Variants in PSME4 observed in about 807,000 individuals in gnomAD.
The protein encoded by PSME4 is proteasome activator subunit 4, also known as proteasome activator complex subunit 4.
Under a neutral mutation model 253.9 loss-of-function variants are expected in PSME4, and 89 were observed. The observed-to-expected ratio is 0.35, with a 90% CI of 0.30 to 0.42. The LOEUF (loss-of-function observed/expected upper bound fraction) is 0.42. Ranked by LOEUF, PSME4 falls within the 10% of genes least tolerant of loss-of-function variation. The probability of loss-of-function intolerance (pLI) is 1.00; values close to 1 mark genes in which losing one functional copy is unlikely to be tolerated. For missense variants in PSME4, 2,014 were observed against 2,195.2 expected (o/e 0.92, Z 1.65); for synonymous variants, 851 against 759.2 (o/e 1.12, Z -1.99).
rs111516930 is a variant in PSME4 at position 53,931,548 on chromosome 2, G to A, written c.1316+287C>T. On this transcript the variant is annotated intron_variant, in intron 10 of 46. Coordinates refer to ENST00000404125, the MANE Select transcript of PSME4 (RefSeq NM_014614.3). ...AATCCTTAGTGACACTCAACATTTC[G>A]ATCTAAAAAGGAAGGCCAGATCTTA... Among the ~76,000 whole-genome samples, 1,227 of 152,140 alleles carry A rather than the reference G, an allele frequency of 8.1e-3. 26 individuals are homozygous for A. The highest frequency in any genetic ancestry group is 0.026 in the African/African-American group (1,066 of 41,494).
At chr2:53,878,124 G>A (rs539770079) in intron 41 of PSME4, among the ~76,000 whole-genome samples, 33 of 152,266 alleles carry the variant, frequency 2.2e-4, no homozygotes, top group African/African-American at 4.1e-4. Flanking sequence ...CGGAGGGACC[G>A]GCTGAAGCCA....
chr2:53,897,205 T>C (rs934092755), intron 31 of PSME4, among the ~76,000 whole-genome samples: 1 of 150,340 alleles, frequency 6.7e-6, no homozygotes, highest in Non-Finnish European at 1.5e-5. Context: ...TTTTCACTCT[T>C]GTTGCCCAGG....
intron 15 of PSME4, 98 bp from the exon 16 acceptor site, chr2:53,923,216 T>G (rs1668402054): frequency 1.4e-6 from 2 of 1,464,332 alleles, no homozygotes; most frequent in East Asian, 2.3e-5. Flanking sequence ...AAGCAGCTAC[T>G]GAAAGAACTA....
chr2:53,886,722 G>C (rs1679655324), intron 40 of PSME4, among the ~76,000 whole-genome samples: 1 of 152,156 alleles, frequency 6.6e-6, no homozygotes, highest in African/African-American at 2.4e-5. Context: ...AGAACTGAAA[G>C]CAGGAACTCA....
In PSME4 at chr2:53,970,623, C is replaced by A; in HGVS notation, c.162G>T (p.Gln54His). 2 of 1,550,030 alleles carry A rather than the reference C, an allele frequency of 1.3e-6. No individual in the cohort carries two copies. Among genetic ancestry groups the A allele is most frequent in the East Asian group, 2.4e-5 (1 of 40,866 alleles). Reference protein sequence around the residue: ...LDAESDLQLAQIKCNLGRAVQ... With the variant: ...LDAESDLQLAHIKCNLGRAVQ... ...CGGCCCGGCCCAGGTTGCATTTGATCTGGGCCAGCTGCAAGTCGGACTCGG... is the reference window on the plus strand; with the variant it reads ...CGGCCCGGCCCAGGTTGCATTTGATATGGGCCAGCTGCAAGTCGGACTCGG... Residue 54 changes from glutamine to histidine, a missense_variant, in exon 1 of 47, where the codon CAG becomes CAT. Gln to His is a conservative substitution (Grantham distance 24). Transcript: ENST00000404125.
chr2:53,945,466 T>G (rs1669657603), intron 3 of PSME4, among the ~76,000 whole-genome samples: 1 of 151,844 alleles, frequency 6.6e-6, no homozygotes, highest in Non-Finnish European at 1.5e-5. Context: ...TCTTTTGTCC[T>G]AGAGGCAAAA....
At chr2:53,872,059 A>G (rs1239100872) in intron 43 of PSME4, among the ~76,000 whole-genome samples, 1 of 152,178 alleles carries the variant, frequency 6.6e-6, no homozygotes, top group Non-Finnish European at 1.5e-5. Context: ...TATCAAAAAT[A>G]TACTGTAATA....
intron 41 of PSME4, 147 bp downstream of exon 41, chr2:53,885,543 A>T: frequency 1.8e-6 from 1 of 552,414 alleles, no homozygotes; most frequent in Non-Finnish European, 3.2e-6. Flanking sequence ...AACCACTATC[A>T]CCTAATGATT....
intron 43 of PSME4, 60 bp from the exon 44 acceptor site, chr2:53,869,598 A>C: frequency 7.4e-7 from 1 of 1,351,692 alleles, no homozygotes; most frequent in Non-Finnish European, 9.9e-7. Context: ...ATAATGGAGG[A>C]TAGGGGGTAG....
rs1229357678 is a variant in PSME4 at position 53,970,660 on chromosome 2, T to C, written c.125A>G (p.Glu42Gly). ...CAAGTCGGACTCGGCGTCTAGCCGCTCCGCGTAGGGCAGCAGCTTGTTGTA... is the reference window on the plus strand; with the variant it reads ...CAAGTCGGACTCGGCGTCTAGCCGCCCCGCGTAGGGCAGCAGCTTGTTGTA... ...IVYNKLLPYA[E>G]RLDAESDLQL... Residue 42 changes from glutamate to glycine, a missense_variant, in exon 1 of 47, where the codon GAG (glutamate) becomes GGG (glycine). Physicochemically the swap from Glu to Gly is moderately conservative, Grantham distance 98 (BLOSUM62 -2). Transcript: ENST00000404125. 1 of 1,550,052 alleles carries C rather than the reference T, an allele frequency of 6.5e-7. No individual in the cohort carries two copies. Among genetic ancestry groups the C allele is most frequent in the Non-Finnish European group, 8.7e-7 (1 of 1,146,902 alleles).
intron 13 of PSME4, 46 bp from the exon 14 acceptor site, chr2:53,925,735 T>C (rs756018383): frequency 3.4e-5 from 53 of 1,563,744 alleles, no homozygotes; most frequent in Admixed American, 1.7e-4. Context: ...AAAATCTGGT[T>C]TGACATTTTT....
intron 36 of PSME4, among the ~76,000 whole-genome samples, chr2:53,891,409 G>A (rs1304937054): frequency 6.6e-6 from 1 of 152,012 alleles, no homozygotes; most frequent in Non-Finnish European, 1.5e-5. Context: ...CCTGCTGCAG[G>A]TCCATGGACT....
intron 44 of PSME4, among the ~76,000 whole-genome samples, chr2:53,868,534 ATATAT>A (rs1285082075): frequency 1.8e-5 from 1 of 56,230 alleles, no homozygotes; most frequent in Non-Finnish European, 3.7e-5. Flanking sequence ...TATATATAAT[ATATAT>A]TATAAATATA....
intron 3 of PSME4, among the ~76,000 whole-genome samples, chr2:53,943,669 C>A (rs1395324544): frequency 6.6e-6 from 1 of 151,812 alleles, no homozygotes; most frequent in Non-Finnish European, 1.5e-5. Flanking sequence ...GATGAAACCC[C>A]ATCTCTACTA....
At chr2:53,940,198 C>G (rs1669327197) in intron 3 of PSME4, among the ~76,000 whole-genome samples, 198 bp from the exon 4 acceptor site, 1 of 152,086 alleles carries the variant, frequency 6.6e-6, no homozygotes, top group Non-Finnish European at 1.5e-5. Flanking sequence ...TTCCTTTGCC[C>G]TCATTTCGCT....
intron 20 of PSME4, among the ~76,000 whole-genome samples, chr2:53,914,080 G>C (rs760097662): frequency 6.6e-6 from 1 of 152,190 alleles, no homozygotes; most frequent in Non-Finnish European, 1.5e-5. Flanking sequence ...TCCTAAGGAT[G>C]ATTTAACTAA....
chr2:53,955,417 A>AT (rs1670185595), intron 1 of PSME4, among the ~76,000 whole-genome samples: 1 of 152,166 alleles, frequency 6.6e-6, no homozygotes, highest in South Asian at 2.1e-4. Context: ...TAGCGTTAGT[A>AT]TATTTTATGT....
chr2:53,908,707 C>A (rs1667678350), intron 22 of PSME4, 77 bp downstream of exon 22: 1 of 1,443,246 alleles, frequency 6.9e-7, no homozygotes, highest in South Asian at 1.3e-5. Context: ...ATTAAGTAAA[C>A]ACATGCATGT....
chr2:53,949,204 T>G lies in PSME4; in HGVS notation c.322A>C (p.Ile108Leu). ...FIKLLYELVS[I>L]PKLEISMMQG... ...ATCATGCTGATTTCCAGTTTTGGAA[T>G]TGATACCAGCTCATACAATAACTTA... Residue 108 changes from isoleucine (I) to leucine (L), a missense_variant, in exon 2 of 47, where the codon ATT (isoleucine) becomes CTT (leucine). By Grantham distance (5) the Ile-to-Leu change is conservative. Around this residue, in one of 4 missense-constraint regions of PSME4, gnomAD observed 615 missense variants for 594.4 expected, o/e 1.03. Transcript: ENST00000404125. 1 of 1,612,510 alleles carries G rather than the reference T, an allele frequency of 6.2e-7. No individual in the cohort carries two copies. The highest frequency in any genetic ancestry group is 1.1e-5 in the South Asian group (1 of 90,608).
Sources: gnomAD v4.1 joint callset for allele counts (sites outside exome capture counted in the v4.1 genomes callset) on GRCh38, gnomAD v4.1.1 for gene constraint, gnomAD v4.1.1 regional missense constraint, MANE v1.5 for transcripts, NCBI Gene and HGNC (gene_info 2026-07-23, HGNC 2026-07-21) for gene names.